The following STEEP1 variants were observed in gnomAD, a reference collection of about 807,000 sequenced individuals.
The protein encoded by STEEP1 is STING1 ER exit protein 1.
A neutral mutation model predicts 19.2 loss-of-function variants in STEEP1; 3 were observed. The observed-to-expected ratio is 0.16, with a 90% confidence interval of 0.07 to 0.40. The LOEUF (loss-of-function observed/expected upper bound fraction) is 0.40. Ranked by LOEUF, STEEP1 falls within the 10% of genes least tolerant of loss-of-function variation. STEEP1 has a pLI of 0.99. For synonymous variants in STEEP1, 46 were observed against 63.7 expected (o/e 0.72, Z 1.32); for missense variants, 54 against 177.1 (o/e 0.30, Z 3.94).
In STEEP1 at chrX:119,552,319, T is replaced by C. The variant is rs1311177025; in HGVS notation, c.243-6815A>G. On this transcript the variant is annotated intron_variant, in intron 2 of 6. Coordinates refer to ENST00000644802, the MANE Select transcript of STEEP1 (RefSeq NM_022101.4). ...TCCCAAAGTGCTAGGATTACAGGCA[T>C]GAGCCGCCATGCCTAGTCAGGCCTC... Among the ~76,000 whole-genome samples, 3 of 112,436 alleles carry C rather than the reference T, an allele frequency of 2.7e-5. No individual in the cohort carries two copies. The Admixed American group carries it at 2.8e-4, about 11-fold the overall frequency.
chrX:119,563,795 T>TG (rs2053338219), intron 1 of STEEP1, among the ~76,000 whole-genome samples: 1 of 111,736 alleles, frequency 8.9e-6, no homozygotes, highest in African/African-American at 3.3e-5. Context: ...GATTTCCTGA[T>TG]GGACTGGACA....
At chrX:119,542,617 G>A in intron 4 of STEEP1, 23 bp from the exon 5 acceptor site, 2 of 1,116,783 alleles carry the variant, frequency 1.8e-6, no homozygotes, top group South Asian at 3.7e-5. Flanking sequence ...GCAAGAAGAA[G>A]TCAGTCCGGT....
intron 2 of STEEP1, among the ~76,000 whole-genome samples, chrX:119,553,727 G>A (rs920219440): frequency 1.2e-4 from 13 of 111,752 alleles, no homozygotes; most frequent in African/African-American, 4.2e-4. Context: ...ACCATACAGA[G>A]AATGAACTTC....
At chrX:119,539,857 C>A in intron 6 of STEEP1, 68 bp from the exon 7 acceptor site, 1 of 812,429 alleles carries the variant, frequency 1.2e-6, no homozygotes, top group Non-Finnish European at 1.8e-6. Flanking sequence ...TTATTCTAAC[C>A]AACCCAAACA....
intron 2 of STEEP1, among the ~76,000 whole-genome samples, chrX:119,559,115 C>T (rs910295049): frequency 3.7e-5 from 4 of 109,470 alleles, no homozygotes; most frequent in South Asian, 3.9e-4. Flanking sequence ...CTACTCAGGA[C>T]GCTGAGGCAG....
chrX:119,546,403 T>C (rs1181323668), intron 2 of STEEP1, among the ~76,000 whole-genome samples: 1 of 97,966 alleles, frequency 1.0e-5, no homozygotes, highest in Non-Finnish European at 2.0e-5. Flanking sequence ...TTCACGCCAC[T>C]GCACTCCAGC....
intron 6 of STEEP1, among the ~76,000 whole-genome samples, 174 bp from the exon 7 acceptor site, chrX:119,539,963 T>C (rs958160680): frequency 1.9e-4 from 21 of 111,804 alleles, no homozygotes; most frequent in African/African-American, 6.8e-4. Flanking sequence ...TCTGATGTTA[T>C]AGCACATACA....
At chrX:119,544,778 T>C (rs2053189745) in intron 3 of STEEP1, among the ~76,000 whole-genome samples, 1 of 110,284 alleles carries the variant, frequency 9.1e-6, no homozygotes, top group Non-Finnish European at 1.9e-5. Context: ...CCATCTCTAC[T>C]CAAAATACAA....
intron 2 of STEEP1, among the ~76,000 whole-genome samples, chrX:119,547,738 T>C (rs2053215401): frequency 8.9e-6 from 1 of 111,965 alleles, no homozygotes; most frequent in Non-Finnish European, 1.9e-5. Flanking sequence ...TCTCACATAA[T>C]AATTCATACA....
chrX:119,562,662 G>A (rs1197851651), intron 1 of STEEP1, among the ~76,000 whole-genome samples: 4 of 96,633 alleles, frequency 4.1e-5, no homozygotes, highest in Admixed American at 2.4e-4. Flanking sequence ...ACTCCAGCCT[G>A]GGCTACAAGA....
At position 119,539,530 on chromosome X, in the gene STEEP1, C is replaced by CAAAAAA. The variant is rs34447220; in HGVS notation, c.*191_*196dup. 1 of 307,433 alleles carries CAAAAAA rather than the reference C, an allele frequency of 3.3e-6. No individual in the cohort carries two copies. Among genetic ancestry groups the CAAAAAA allele is most frequent in the South Asian group, 6.0e-5 (1 of 16,777 alleles). 25.3% of individuals were successfully genotyped at this position (307,433 alleles called of 1,213,427 possible). On this transcript the variant is annotated 3_prime_UTR_variant, in exon 7 of 7. Coordinates refer to ENST00000644802, the MANE Select transcript of STEEP1 (RefSeq NM_022101.4). ...TGGGCGAAAGAGCAAGACTTTATCT[C>CAAAAAA]AAAAAAAAAAAAAAAAAAAAGAAAG...
intron 2 of STEEP1, among the ~76,000 whole-genome samples, chrX:119,559,900 T>A (rs1007409797): frequency 1.0e-5 from 1 of 98,862 alleles, no homozygotes; most frequent in African/African-American, 3.6e-5. Flanking sequence ...AATACAAAAA[T>A]TAGCTGGGCG....
At chrX:119,544,228 AAAAAAG>A in intron 4 of STEEP1, 119 bp downstream of exon 4, 1 of 505,636 alleles carries the variant, frequency 2.0e-6, no homozygotes, top group Non-Finnish European at 3.1e-6. Context: ...GAAAAAGACA[AAAAAAG>A]AAAAAGAAAT....
chrX:119,548,867 GCA>G (rs1205699465), intron 2 of STEEP1, among the ~76,000 whole-genome samples: 1 of 112,001 alleles, frequency 8.9e-6, no homozygotes, highest in Non-Finnish European at 1.9e-5. Flanking sequence ...ACGCACACAT[GCA>G]CACACAACAG....
At chrX:119,562,847 G>A (rs569812572) in intron 1 of STEEP1, among the ~76,000 whole-genome samples, 30 of 112,079 alleles carry the variant, frequency 2.7e-4, no homozygotes, top group African/African-American at 9.1e-4. Flanking sequence ...TTTAGATAAG[G>A]TAATCAGGGA....
chrX:119,549,307 A>G (rs746091467), intron 2 of STEEP1, among the ~76,000 whole-genome samples: 10 of 111,951 alleles, frequency 8.9e-5, no homozygotes, highest in Non-Finnish European at 1.9e-4. Context: ...GTGTATATGT[A>G]TATCAAAATA....
At chrX:119,542,791 A>C (rs778700115) in intron 4 of STEEP1, 197 bp from the exon 5 acceptor site, 166 of 307,309 alleles carry the variant, frequency 5.4e-4, no homozygotes, top group Middle Eastern at 2.7e-3. Flanking sequence ...AAAGGCTCTT[A>C]TTTTTTTTTA....
At chrX:119,551,274 A>G (rs1364173927) in intron 2 of STEEP1, among the ~76,000 whole-genome samples, 1 of 109,924 alleles carries the variant, frequency 9.1e-6, no homozygotes, top group Non-Finnish European at 1.9e-5. Flanking sequence ...TGAGGTCAGG[A>G]GCTCAAGACC....
At chrX:119,560,508 T>C in intron 1 of STEEP1, 123 bp from the exon 2 acceptor site, 1 of 489,944 alleles carries the variant, frequency 2.0e-6, no homozygotes, top group Non-Finnish European at 3.6e-6. Context: ...CTACAATTAC[T>C]ATGCTTATTG....
Sources: gnomAD v4.1 joint callset for allele counts (sites outside exome capture counted in the v4.1 genomes callset) on GRCh38, gnomAD v4.1.1 for gene constraint, MANE v1.5 for transcripts, NCBI Gene and HGNC (gene_info 2026-07-23, HGNC 2026-07-21) for gene names.